PBRM1: variants seen among roughly 807,000 people sequenced by gnomAD.
PBRM1 encodes polybromo 1.
A neutral mutation model predicts 194.5 loss-of-function variants in PBRM1; 27 were observed. The ratio of observed to expected loss-of-function variants is 0.14; its 90% CI spans 0.10 to 0.19. PBRM1 has a LOEUF of 0.19. Among genes scored for constraint, PBRM1 ranks in the 10% least tolerant of loss-of-function variants. The pLI, the probability that PBRM1 is intolerant of heterozygous loss-of-function variation, is 1.00. For missense variants in PBRM1, 1,466 were observed against 2,077.2 expected (o/e 0.71, Z 5.72); for synonymous variants, 655 against 693.2 (o/e 0.94, Z 0.87).
intron 20 of PBRM1, among the ~76,000 whole-genome samples, chr3:52,582,035 G>C (rs1205158435): frequency 1.3e-5 from 2 of 151,932 alleles, no homozygotes; most frequent in East Asian, 2.0e-4. Flanking sequence ...CTGAGGTCAG[G>C]AGTTCAAGAC....
At chr3:52,603,769 C>G in intron 16 of PBRM1, 37 bp from the exon 19 acceptor site, 2 of 1,563,170 alleles carry the variant, frequency 1.3e-6, no homozygotes, top group Admixed American at 1.8e-5. Flanking sequence ...GACATACAAG[C>G]TGTTTCTTTT....
At chr3:52,618,682 C>G (rs181325797) in intron 13 of PBRM1, among the ~76,000 whole-genome samples, 16,846 of 151,032 alleles carry the variant, frequency 0.11, 2,472 homozygotes, top group African/African-American at 0.34. Context: ...GCAACCTCTG[C>G]CTCCTGGGTT....
At chr3:52,568,119 T>C (rs922408771) in intron 22 of PBRM1, among the ~76,000 whole-genome samples, 28 of 151,944 alleles carry the variant, frequency 1.8e-4, no homozygotes, top group South Asian at 2.1e-4. Context: ...GCTAGGACTA[T>C]AGATGCCTAC....
At chr3:52,565,951 G>A (rs2085062230) in intron 22 of PBRM1, among the ~76,000 whole-genome samples, 1 of 152,116 alleles carries the variant, frequency 6.6e-6, no homozygotes, top group Admixed American at 6.5e-5. Flanking sequence ...TCATGAGGCT[G>A]AGGCAGGAGA....
chr3:52,570,363 A>T (rs2086661718), intron 22 of PBRM1, among the ~76,000 whole-genome samples: 1 of 152,252 alleles, frequency 6.6e-6, no homozygotes, highest in Non-Finnish European at 1.5e-5. Context: ...CAGGTCAGAA[A>T]CATTTCCAAA....
At chr3:52,685,135 T>C (rs764888767) in intron 1 of PBRM1, among the ~76,000 whole-genome samples, 1 of 152,238 alleles carries the variant, frequency 6.6e-6, no homozygotes, top group Non-Finnish European at 1.5e-5. Context: ...CGTGTACTTA[T>C]TTTTCAGGGC....
chr3:52,580,548 G>A (rs1479227883), intron 20 of PBRM1, among the ~76,000 whole-genome samples: 1 of 152,004 alleles, frequency 6.6e-6, no homozygotes, highest in Non-Finnish European at 1.5e-5. Flanking sequence ...ATTTTTAGTA[G>A]AGACGGGGTT....
In PBRM1 at chr3:52,553,475, C is replaced by T. The variant is rs1044815584; in HGVS notation, c.4609+1249G>A. On this transcript the variant is annotated intron_variant, in intron 27 of 29. Coordinates refer to ENST00000296302, the Ensembl canonical transcript of PBRM1. ...AGCTAGGAGGGTAGGCTAGGCTGTT[C>T]TTTAATGTCAGGCTTTTTTTTTTTT... Among the ~76,000 whole-genome samples, 7 of 146,442 alleles carry T rather than the reference C, an allele frequency of 4.8e-5. 1 individual carries two copies. In the East Asian group the frequency reaches 1.4e-3, roughly 30 times the overall value.
intron 12 of PBRM1, 140 bp from the exon 14 acceptor site, chr3:52,627,510 A>G (rs2153582199): frequency 3.4e-6 from 2 of 588,158 alleles, no homozygotes; most frequent in South Asian, 2.2e-5. Context: ...AAGAGTCATT[A>G]AACATTTTCA....
chr3:52,552,479 C>T (rs1463396304), intron 27 of PBRM1, among the ~76,000 whole-genome samples: 2 of 152,126 alleles, frequency 1.3e-5, no homozygotes, highest in Non-Finnish European at 2.9e-5. Flanking sequence ...TGGGGTTTCA[C>T]CATGTTGCCC....
chr3:52,593,975 T>A (rs2093342812), intron 17 of PBRM1, among the ~76,000 whole-genome samples: 1 of 152,194 alleles, frequency 6.6e-6, no homozygotes. Flanking sequence ...AGGTCCGGAA[T>A]ATCATTGTTA....
rs527795180 is a variant in PBRM1 at position 52,601,101 on chromosome 3, T to C, written c.2779+2420A>G. Among the ~76,000 whole-genome samples, 27 of 152,366 alleles carry C rather than the reference T, an allele frequency of 1.8e-4. No homozygotes were observed. The South Asian group carries it at 5.2e-3, about 29-fold the overall frequency. Reference sequence around the variant, plus strand: ...TTCTTCCAGTGTTCTGAATTTACTTTCGTAGAAGAGGACTTCTCCCTGAAG... The same window carrying C: ...TTCTTCCAGTGTTCTGAATTTACTTCCGTAGAAGAGGACTTCTCCCTGAAG... On this transcript the variant is annotated intron_variant, in intron 17 of 29. Transcript: ENST00000296302.
chr3:52,579,245 G>A, intron 20 of PBRM1, 46 bp from the exon 23 acceptor site: 1 of 1,545,452 alleles, frequency 6.5e-7, no homozygotes, highest in East Asian at 2.2e-5. Context: ...GATAATCAAG[G>A]AATAGAGAAG....
At chr3:52,592,133 T>G (rs2093145389) in intron 17 of PBRM1, among the ~76,000 whole-genome samples, 1 of 149,380 alleles carries the variant, frequency 6.7e-6, no homozygotes, top group South Asian at 2.1e-4. Context: ...TTTTTTTTTT[T>G]TTTTTTTTTT....
In PBRM1 at chr3:52,616,016, C is replaced by T. The variant is rs138082459; in HGVS notation, c.1819-560G>A. On this transcript the variant is annotated intron_variant, in intron 14 of 29. Coordinates refer to ENST00000296302, the Ensembl canonical transcript of PBRM1. ...TTACTCACCTTATGCTTTGCATCCACAGCCCCTCCTCTTACCTCCTCAGCA... is the reference window on the plus strand; with the variant it reads ...TTACTCACCTTATGCTTTGCATCCATAGCCCCTCCTCTTACCTCCTCAGCA... Among the ~76,000 whole-genome samples, 612 of 152,320 alleles carry T rather than the reference C, an allele frequency of 4.0e-3. 3 individuals carry two copies. The highest frequency in any genetic ancestry group is 0.023 in the South Asian group (109 of 4,828).
chr3:52,596,194 C>T (rs1474911135), intron 17 of PBRM1, among the ~76,000 whole-genome samples: 1 of 151,934 alleles, frequency 6.6e-6, no homozygotes, highest in Non-Finnish European at 1.5e-5. Context: ...AATCCCAGCA[C>T]TTTGGGAGGC....
At chr3:52,665,650 C>T (rs1013520492) in intron 3 of PBRM1, among the ~76,000 whole-genome samples, 2 of 152,144 alleles carry the variant, frequency 1.3e-5, no homozygotes, top group African/African-American at 4.8e-5. Flanking sequence ...CTATTGTGAA[C>T]TGAGCATGCA....
chr3:52,576,413 T>A (rs1394104719), intron 22 of PBRM1, 128 bp downstream of exon 24: 1 of 571,288 alleles, frequency 1.8e-6, no homozygotes, highest in Non-Finnish European at 2.9e-6. Context: ...TGCCCCAACA[T>A]AAGAGAACAG....
At position 52,641,943 on chromosome 3, in the gene PBRM1, C is replaced by T. The variant is rs2153705783; in HGVS notation, c.1087+11G>A. On this transcript the variant is annotated intron_variant, in intron 10 of 29. Transcript: ENST00000296302. The stretch of plus-strand genomic sequence containing the variant: ...AAGAAGGCATTTCGCTAGTCAAAAC[C>T]TAATGCCTACCAGCTAAAGCAGCAT... The T allele has an allele frequency of 6.5e-7, 1 of 1,530,186 alleles. No homozygotes were observed. 94.8% of individuals were successfully genotyped at this position (1,530,186 alleles called of 1,614,324 possible). A position where few individuals can be genotyped will look rare whatever the true frequency, so the allele number is the denominator to read the frequency against.
Sources: gnomAD v4.1 joint callset for allele counts (sites outside exome capture counted in the v4.1 genomes callset) on GRCh38, gnomAD v4.1.1 for gene constraint, MANE v1.5 for transcripts, NCBI Gene and HGNC (gene_info 2026-07-23, HGNC 2026-07-21) for gene names.